DLG2: variants seen among roughly 807,000 people sequenced by gnomAD.
The protein encoded by DLG2 is discs large MAGUK scaffold protein 2, also known as disks large homolog 2.
Under a neutral mutation model 132.5 loss-of-function variants are expected in DLG2, and 45 were observed. The observed-to-expected ratio is 0.34, with a 90% CI of 0.27 to 0.44. DLG2 has a LOEUF of 0.44. Ranked by LOEUF, DLG2 falls within the 20% of genes least tolerant of loss-of-function variation. The probability of loss-of-function intolerance (pLI) is 1.00; values close to 1 mark genes in which losing one functional copy is unlikely to be tolerated. For synonymous variants in DLG2, 424 were observed against 419.6 expected (o/e 1.01, Z -0.13); for missense variants, 1,045 against 1,196.9 (o/e 0.87, Z 1.87).
intron 7 of DLG2, among the ~76,000 whole-genome samples, chr11:84,255,119 G>A (rs968948904): frequency 6.6e-6 from 1 of 152,210 alleles, no homozygotes; most frequent in Admixed American, 6.5e-5. Context: ...CTATGAGTGT[G>A]CTCTTCTCAC....
chr11:85,289,688 T>G (rs1349480246), intron 3 of DLG2, among the ~76,000 whole-genome samples: 1 of 152,144 alleles, frequency 6.6e-6, no homozygotes, highest in Non-Finnish European at 1.5e-5. Context: ...ATCTAGACAG[T>G]ATAGCACAGT....
chr11:83,818,831 G>C (rs943234146), intron 17 of DLG2, among the ~76,000 whole-genome samples: 5 of 152,100 alleles, frequency 3.3e-5, no homozygotes, highest in African/African-American at 4.8e-5. Context: ...AAAGACATTA[G>C]AGAAGAAAAG....
At chr11:84,061,365 T>C (rs1206596204) in intron 10 of DLG2, among the ~76,000 whole-genome samples, 2 of 152,216 alleles carry the variant, frequency 1.3e-5, no homozygotes, top group Non-Finnish European at 2.9e-5. Context: ...GTGCAATATT[T>C]GTTGATTTAT....
At chr11:83,552,266 A>T (rs2096409576) in intron 19 of DLG2, among the ~76,000 whole-genome samples, 1 of 152,156 alleles carries the variant, frequency 6.6e-6, no homozygotes, top group African/African-American at 2.4e-5. Context: ...CTGCATTTTC[A>T]AATGGGGTGT....
At chr11:84,038,022 T>C (rs1393187474) in intron 11 of DLG2, among the ~76,000 whole-genome samples, 2 of 152,084 alleles carry the variant, frequency 1.3e-5, no homozygotes, top group African/African-American at 2.4e-5. Flanking sequence ...TTGTTATCTA[T>C]GTAAATTTGT....
At chr11:85,615,182 A>G (rs190834701) in intron 2 of DLG2, among the ~76,000 whole-genome samples, 7 of 152,344 alleles carry the variant, frequency 4.6e-5, no homozygotes, top group Admixed American at 2.6e-4. Flanking sequence ...GGGGAATGAT[A>G]GAAAATGTGC....
At chr11:84,299,817 G>A (rs1038531822) in intron 7 of DLG2, among the ~76,000 whole-genome samples, 7 of 152,040 alleles carry the variant, frequency 4.6e-5, no homozygotes, top group African/African-American at 7.2e-5. Context: ...TCAGTCCTTC[G>A]AAAATAATGT....
At chr11:84,258,198 A>G (rs555294312) in intron 7 of DLG2, among the ~76,000 whole-genome samples, 132 of 152,314 alleles carry the variant, frequency 8.7e-4, no homozygotes, top group Non-Finnish European at 1.5e-3. Flanking sequence ...TGATTCAGGC[A>G]TTCTTTGAGC....
At chr11:84,029,658 G>T (rs1409297705) in intron 11 of DLG2, among the ~76,000 whole-genome samples, 3 of 152,090 alleles carry the variant, frequency 2.0e-5, no homozygotes, top group Non-Finnish European at 4.4e-5. Context: ...CTAAGTGGCA[G>T]GTCCCAGGAC....
intron 6 of DLG2, among the ~76,000 whole-genome samples, chr11:84,993,180 C>T (rs921747904): frequency 5.9e-5 from 9 of 152,148 alleles, no homozygotes; most frequent in African/African-American, 2.2e-4. Flanking sequence ...CCAAATACCA[C>T]ACATTCTCAC....
chr11:84,229,075 G>A (rs1171713813), intron 8 of DLG2, among the ~76,000 whole-genome samples: 1 of 152,038 alleles, frequency 6.6e-6, no homozygotes, highest in Non-Finnish European at 1.5e-5. Flanking sequence ...ATTATATCCT[G>A]GTAAGCACTC....
intron 19 of DLG2, among the ~76,000 whole-genome samples, chr11:83,623,623 A>C (rs772338922): frequency 9.9e-5 from 15 of 152,224 alleles, no homozygotes; most frequent in Non-Finnish European, 2.2e-4. Flanking sequence ...TCCAGCAATC[A>C]TTGGTGGCTC....
chr11:85,003,064 G>A (rs1460591043), intron 6 of DLG2, among the ~76,000 whole-genome samples: 2 of 151,912 alleles, frequency 1.3e-5, no homozygotes, highest in African/African-American at 4.8e-5. Context: ...AGTTTTTAAG[G>A]AATCAAGAGT....
At chr11:83,805,081 G>A (rs991725232) in intron 17 of DLG2, among the ~76,000 whole-genome samples, 4 of 151,974 alleles carry the variant, frequency 2.6e-5, no homozygotes, top group Admixed American at 6.6e-5. Context: ...TTCTTACTGC[G>A]TCATAGCAGG....
chr11:84,993,577 C>T (rs141531305), intron 6 of DLG2, among the ~76,000 whole-genome samples: 2,299 of 152,184 alleles, frequency 0.015, 91 homozygotes, highest in Non-Finnish European at 0.011. Flanking sequence ...TTTGTCCTAC[C>T]GTGGGTACTT....
chr11:85,353,491 T>C (rs1247293302), intron 3 of DLG2, among the ~76,000 whole-genome samples: 2 of 152,202 alleles, frequency 1.3e-5, no homozygotes, highest in Admixed American at 6.5e-5. Context: ...TTACTGGGTA[T>C]ATAACCAAAG....
intron 3 of DLG2, among the ~76,000 whole-genome samples, chr11:85,462,223 C>A (rs1055361132): frequency 1.3e-5 from 2 of 152,186 alleles, no homozygotes; most frequent in Admixed American, 6.5e-5. Flanking sequence ...CTAGTTCATC[C>A]TTTGTGGAAG....
chr11:85,032,542 C>A (rs2061098012), intron 6 of DLG2, among the ~76,000 whole-genome samples: 1 of 152,050 alleles, frequency 6.6e-6, no homozygotes, highest in Non-Finnish European at 1.5e-5. Flanking sequence ...CTATTTTTTC[C>A]TCTTTGTAAT....
chr11:85,095,338 G>A (rs1042683640), intron 6 of DLG2, among the ~76,000 whole-genome samples: 26 of 152,160 alleles, frequency 1.7e-4, no homozygotes, highest in Non-Finnish European at 3.2e-4. Context: ...AGAAAACACA[G>A]TATCTGTGAA....
Sources: allele counts gnomAD v4.1 joint callset (sites outside exome capture counted in the v4.1 genomes callset), GRCh38; gene constraint gnomAD v4.1.1; transcripts MANE v1.5; gene names NCBI Gene and HGNC (gene_info 2026-07-23, HGNC 2026-07-21).